PTPRD: variants seen among roughly 807,000 people sequenced by gnomAD.
The protein encoded by PTPRD is protein tyrosine phosphatase receptor type D.
PTPRD carries 34 observed loss-of-function variants against 214.5 expected under a neutral mutation model. The ratio of observed to expected loss-of-function variants is 0.16; its 90% CI spans 0.12 to 0.21. The LOEUF is 0.21. Among genes scored for constraint, PTPRD ranks in the 10% least tolerant of loss-of-function variants. The probability of loss-of-function intolerance (pLI) is 1.00; values close to 1 mark genes in which losing one functional copy is unlikely to be tolerated. For missense variants in PTPRD, 2,545 were observed against 2,398.7 expected (o/e 1.06, Z -1.27); for synonymous variants, 1,128 against 845.7 (o/e 1.33, Z -5.79).
chr9:8,510,234 G>A lies in PTPRD; in HGVS notation c.1544-2800C>T, dbSNP rs558231769. The stretch of plus-strand genomic sequence containing the variant: ...TTGAGTCCAGGAGCGTGAGGCTACA[G>A]TGAACGATGACTGAGCCACTGCACA... On this transcript the variant is annotated intron_variant, in intron 21 of 45. Coordinates refer to ENST00000381196, the MANE Select transcript of PTPRD (RefSeq NM_002839.4). Among the ~76,000 whole-genome samples the A allele has an allele frequency of 9.8e-5, 15 of 152,290 alleles. No homozygotes were observed. The South Asian group carries it at 3.1e-3, about 32-fold the overall frequency.
At chr9:9,939,816 G>C (rs181846587) in intron 4 of PTPRD, among the ~76,000 whole-genome samples, 2 of 152,110 alleles carry the variant, frequency 1.3e-5, no homozygotes, top group African/African-American at 4.8e-5. Context: ...GCTCAAGAAA[G>C]TCCCACCAGA....
chr9:8,647,897 C>A (rs1344499307), intron 12 of PTPRD, among the ~76,000 whole-genome samples: 1 of 152,166 alleles, frequency 6.6e-6, no homozygotes, highest in African/African-American at 2.4e-5. Flanking sequence ...TGTTCGTAGA[C>A]CATTAGCACA....
chr9:8,785,831 G>T (rs1329890214), intron 11 of PTPRD, among the ~76,000 whole-genome samples: 1 of 152,158 alleles, frequency 6.6e-6, no homozygotes, highest in Non-Finnish European at 1.5e-5. Context: ...ATAGAAACTA[G>T]CAAAAGCATA....
intron 2 of PTPRD, among the ~76,000 whole-genome samples, chr9:10,406,644 T>A (rs1565832950): frequency 6.6e-6 from 1 of 151,610 alleles, no homozygotes; most frequent in Non-Finnish European, 1.5e-5. Flanking sequence ...ATACTGTAAC[T>A]TTAGCTGTAA....
chr9:10,392,415 T>C (rs2098086460), intron 2 of PTPRD, among the ~76,000 whole-genome samples: 1 of 151,874 alleles, frequency 6.6e-6, no homozygotes, highest in Admixed American at 6.6e-5. Context: ...GTCAGCCCCA[T>C]TCTGAAGCAG....
chr9:8,430,370 A>G (rs1370476965), intron 35 of PTPRD, among the ~76,000 whole-genome samples: 3 of 151,826 alleles, frequency 2.0e-5, no homozygotes, highest in Admixed American at 6.6e-5. Context: ...CTTGGGGGTC[A>G]GGTGATCCTC....
intron 7 of PTPRD, among the ~76,000 whole-genome samples, chr9:9,598,330 G>A (rs902801254): frequency 6.6e-6 from 1 of 151,922 alleles, no homozygotes. Flanking sequence ...AATAGAAAAT[G>A]GGGATGTCGA....
chr9:8,528,541 T>TAA (rs3215749), intron 15 of PTPRD, 50 bp downstream of exon 15: 9 of 1,314,590 alleles, frequency 6.8e-6, no homozygotes, highest in African/African-American at 1.5e-5. Context: ...AGAGAAAAAT[T>TAA]AAAAAAAAAA....
intron 7 of PTPRD, among the ~76,000 whole-genome samples, chr9:9,655,215 A>C (rs1594371662): frequency 6.6e-6 from 1 of 152,202 alleles, no homozygotes; most frequent in East Asian, 1.9e-4. Flanking sequence ...CTGATAAAAA[A>C]CTGTTATCCA....
At chr9:10,378,347 G>T (rs2097766701) in intron 2 of PTPRD, among the ~76,000 whole-genome samples, 1 of 151,924 alleles carries the variant, frequency 6.6e-6, no homozygotes, top group African/African-American at 2.4e-5. Flanking sequence ...TTTTGCTTAG[G>T]TTATCTGGGC....
intron 7 of PTPRD, among the ~76,000 whole-genome samples, chr9:9,694,491 C>T (rs1024488610): frequency 2.9e-4 from 44 of 152,046 alleles, no homozygotes; most frequent in Non-Finnish European, 1.3e-4. Context: ...ACCACCAGGA[C>T]TGTGCTGGGT....
At chr9:9,928,177 T>C (rs1441480939) in intron 5 of PTPRD, among the ~76,000 whole-genome samples, 1 of 152,172 alleles carries the variant, frequency 6.6e-6, no homozygotes, top group Non-Finnish European at 1.5e-5. Flanking sequence ...TAACTTTTGT[T>C]GCTGCATGAT....
intron 6 of PTPRD, among the ~76,000 whole-genome samples, chr9:9,755,963 C>T (rs1050976643): frequency 2.0e-5 from 3 of 151,852 alleles, no homozygotes; most frequent in Non-Finnish European, 4.4e-5. Context: ...GAATACCGTT[C>T]TTATCAAGTA....
intron 5 of PTPRD, among the ~76,000 whole-genome samples, chr9:9,922,081 C>T (rs1434755903): frequency 1.8e-4 from 28 of 152,014 alleles, no homozygotes; most frequent in South Asian, 2.1e-4. Context: ...GCCTATATGC[C>T]CACAGTGTGG....
chr9:9,441,911 G>A (rs2088053133), intron 8 of PTPRD: 1 of 152,134 alleles, frequency 6.6e-6, no homozygotes, highest in Admixed American at 6.5e-5. Context: ...CAATAGCAGG[G>A]GTGTTCTCCT....
At chr9:9,759,555 CTT>C (rs3050068) in intron 6 of PTPRD, among the ~76,000 whole-genome samples, 15 of 117,802 alleles carry the variant, frequency 1.3e-4, no homozygotes, top group South Asian at 3.2e-4. Flanking sequence ...CAAGGTCTGT[CTT>C]TTTTTTTTTT....
intron 5 of PTPRD, among the ~76,000 whole-genome samples, chr9:9,927,681 T>C (rs572276351): frequency 1.3e-5 from 2 of 152,250 alleles, no homozygotes; most frequent in Admixed American, 1.3e-4. Flanking sequence ...AAATTACAAG[T>C]ATATTATTAA....
intron 2 of PTPRD, among the ~76,000 whole-genome samples, chr9:10,501,729 T>C (rs1302940354): frequency 6.6e-6 from 1 of 152,022 alleles, no homozygotes; most frequent in East Asian, 1.9e-4. Context: ...AAGGGTAGGA[T>C]ATATTAATAG....
chr9:9,397,060 A>G (rs1200757145), intron 9 of PTPRD, among the ~76,000 whole-genome samples: 1 of 151,992 alleles, frequency 6.6e-6, no homozygotes, highest in Non-Finnish European at 1.5e-5. Context: ...TATGGTATGG[A>G]TAGTAGAGAA....
Sources: allele counts gnomAD v4.1 joint callset (sites outside exome capture counted in the v4.1 genomes callset), GRCh38; gene constraint gnomAD v4.1.1; transcripts MANE v1.5; gene names NCBI Gene and HGNC (gene_info 2026-07-23, HGNC 2026-07-21).